CELF2: variants seen among roughly 807,000 people sequenced by gnomAD.
CELF2 encodes the protein CUGBP Elav-like family member 2, also known as CUG triplet repeat RNA-binding protein 2.
Under a neutral mutation model 62.6 loss-of-function variants are expected in CELF2, and 8 were observed. The observed-to-expected ratio is 0.13, with a 90% CI of 0.07 to 0.23. The LOEUF is 0.23. Among genes scored for constraint, CELF2 ranks in the 10% least tolerant of loss-of-function variants. The probability of loss-of-function intolerance (pLI) is 1.00; values close to 1 mark genes in which losing one functional copy is unlikely to be tolerated. For missense variants in CELF2, 333 were observed against 671.0 expected, an observed-to-expected ratio of 0.50 and a Z score of 5.56; for synonymous variants, 258 against 250.0, an observed-to-expected ratio of 1.03 and a Z score of -0.30.
the CELF2 span, among the ~76,000 whole-genome samples, chr10:10,480,999 G>GT: frequency 6.6e-6 from 1 of 152,052 alleles, no homozygotes; most frequent in Non-Finnish European, 1.5e-5. Context: ...GGAGGCGGAG[G>GT]TTGCAGTGAG....
chr10:10,971,034 G>T lies in CELF2; in HGVS notation c.89+51035G>T, dbSNP rs74547650. On this transcript the variant is annotated intron_variant, in intron 2 of 13. Coordinates refer to the CELF2 transcript ENST00000636488. ...TAAAAGTGAAAAGTGCTAGAATTCC[G>T]ATCCTAAAAGTTGTTTTTTGGGTGT... Among the ~76,000 whole-genome samples, 205 of 152,222 alleles carry T rather than the reference G, an allele frequency of 1.3e-3. No individual in the cohort carries two copies. The East Asian group carries it at 0.022, about 16-fold the overall frequency.
the CELF2 span, among the ~76,000 whole-genome samples, chr10:10,607,860 G>A: frequency 6.6e-6 from 1 of 152,162 alleles, no homozygotes; most frequent in African/African-American, 2.4e-5. Flanking sequence ...GGAGGCAGAG[G>A]CAGGAGAATC....
At chr10:10,720,063 G>A in the CELF2 span, among the ~76,000 whole-genome samples, 13 of 152,120 alleles carry the variant, frequency 8.5e-5, no homozygotes, top group African/African-American at 2.7e-4. Context: ...GGATCCACTT[G>A]GGCTGCGTTT....
Position 11,012,719 on chromosome 10 carries a change from T to TGGGGGCAGTGA in CELF2, c.53+7284_53+7294dup, listed in dbSNP as rs1593118398. On this transcript the variant is annotated intron_variant, in intron 1 of 12. Transcript: ENST00000416382. This position sits in a 1 kb window ranked among gnomAD's most constrained non-coding sequence, Gnocchi z 5.5. ...AGTTGGGGAAAACATGTCGTCGGGG[T>TGGGGGCAGTGA]GGGGGCAGTGAGGGGTGGACTGGGA... is the stretch of plus-strand genomic sequence containing the variant. Among the ~76,000 whole-genome samples, 1 of 151,900 alleles carries TGGGGGCAGTGA rather than the reference T, an allele frequency of 6.6e-6. No individual in the cohort carries two copies.
At chr10:11,251,005 C>G (rs375888711) in intron 4 of CELF2, among the ~76,000 whole-genome samples, 2 of 152,078 alleles carry the variant, frequency 1.3e-5, no homozygotes, top group African/African-American at 4.8e-5. Context: ...GTGGGAGACA[C>G]GAGAGATGAC....
At position 11,332,131 on chromosome 10, in the gene CELF2, TTAACGAG is replaced by T. The variant is rs2132950016; in HGVS notation, c.*3082_*3088del. 1 of 152,362 alleles carries T rather than the reference TTAACGAG, an allele frequency of 6.6e-6. No homozygotes were observed. The highest frequency in any genetic ancestry group is 2.4e-5 in the African/African-American group (1 of 41,588). 9.4% of individuals were successfully genotyped at this position (152,362 alleles called of 1,614,324 possible). On this transcript the variant is annotated 3_prime_UTR_variant, in exon 13 of 13. Transcript: ENST00000633077. ...TGCTACTAGAATTCCTTCTTCAGTT[TTAACGAG>T]TAATTGGATAAACCCTGAGGGAAAA...
chr10:10,485,293 A>G, the CELF2 span, among the ~76,000 whole-genome samples: 11 of 152,336 alleles, frequency 7.2e-5, no homozygotes, highest in African/African-American at 2.6e-4. Context: ...CAGAGGTGAC[A>G]GGTGTTCATA....
intron 1 of CELF2, among the ~76,000 whole-genome samples, chr10:11,080,118 A>G (rs1411877473): frequency 1.3e-5 from 2 of 152,342 alleles, no homozygotes; most frequent in East Asian, 1.9e-4. Context: ...TGATTTTGCT[A>G]CTGAGGGTCA....
At chr10:10,581,347 C>A in the CELF2 span, among the ~76,000 whole-genome samples, 3 of 152,098 alleles carry the variant, frequency 2.0e-5, no homozygotes, top group Non-Finnish European at 4.4e-5. Flanking sequence ...TTGAAAACTG[C>A]CGATTTTGAT....
the CELF2 span, among the ~76,000 whole-genome samples, chr10:10,635,158 C>T: frequency 6.6e-6 from 1 of 152,166 alleles, no homozygotes; most frequent in Non-Finnish European, 1.5e-5. Flanking sequence ...CTACTGCATC[C>T]CTGGAAGCAG....
chr10:11,105,960 T>G (rs570865035), intron 1 of CELF2, among the ~76,000 whole-genome samples: 25 of 152,356 alleles, frequency 1.6e-4, no homozygotes, highest in African/African-American at 5.0e-4. Context: ...TTCTTTGTAA[T>G]GAGAACAAAA....
chr10:11,176,967 G>T (rs765245800), intron 2 of CELF2, among the ~76,000 whole-genome samples: 8 of 152,134 alleles, frequency 5.3e-5, no homozygotes, highest in African/African-American at 1.9e-4. Flanking sequence ...AGCATCCTGC[G>T]CTAACCATTG....
intron 2 of CELF2, chr10:10,922,556 G>A (rs1205109273): frequency 6.6e-6 from 1 of 152,186 alleles, no homozygotes; most frequent in East Asian, 1.9e-4. Flanking sequence ...AAGTAGCGCT[G>A]TATTTTGAAT....
At chr10:11,312,971 T>C (rs1435027125) in intron 9 of CELF2, among the ~76,000 whole-genome samples, 1 of 152,132 alleles carries the variant, frequency 6.6e-6, no homozygotes, top group Admixed American at 6.5e-5. Context: ...AATGTAATAT[T>C]AGCAGAACAA....
Position 11,255,064 on chromosome 10 carries a change from G to A in CELF2, c.404-2674G>A, listed in dbSNP as rs748950476. On this transcript the variant is annotated intron_variant, in intron 4 of 12. Coordinates refer to ENST00000633077, the MANE Select transcript of CELF2 (RefSeq NM_001326342.2). The surrounding 1 kb of genome is among the most constrained non-coding windows in gnomAD (Gnocchi z 5.5). ...GTGTGGACGGCCTGCAGGTACACTC[G>A]TTGCCCAGGGTATCTGGTGTCTCTC... Among the ~76,000 whole-genome samples the A allele has an allele frequency of 3.3e-5, 5 of 152,316 alleles. No individual in the cohort carries two copies. Among genetic ancestry groups the A allele is most frequent in the Middle Eastern group, 3.4e-3 (1 of 294 alleles).
chr10:11,111,113 G>A (rs1455487306), intron 1 of CELF2, among the ~76,000 whole-genome samples: 1 of 152,148 alleles, frequency 6.6e-6, no homozygotes, highest in African/African-American at 2.4e-5. Flanking sequence ...GAAATACTTG[G>A]ATGAGATAAT....
chr10:11,274,999 A>T, intron 7 of CELF2, 58 bp from the exon 8 acceptor site: 1 of 1,502,106 alleles, frequency 6.7e-7, no homozygotes, highest in Non-Finnish European at 9.3e-7. Flanking sequence ...CCCCAGTTTA[A>T]TGAGGGAGTT....
chr10:10,705,366 TAA>T, the CELF2 span, among the ~76,000 whole-genome samples: 2 of 134,028 alleles, frequency 1.5e-5, no homozygotes, highest in Non-Finnish European at 3.1e-5. Context: ...CCTTCCCTAT[TAA>T]AAAAAAAAAA....
At chr10:10,630,964 G>A in the CELF2 span, among the ~76,000 whole-genome samples, 4 of 152,184 alleles carry the variant, frequency 2.6e-5, no homozygotes, top group African/African-American at 9.7e-5. Context: ...AAAATGTGAT[G>A]TCATAGAGTG....
Sources: allele counts gnomAD v4.1 joint callset (sites outside exome capture counted in the v4.1 genomes callset), GRCh38; gene constraint gnomAD v4.1.1; non-coding constraint Gnocchi (gnomAD v3.1); transcripts MANE v1.5; gene names NCBI Gene and HGNC (gene_info 2026-07-23, HGNC 2026-07-21).